RNF185: variants seen among roughly 807,000 people sequenced by gnomAD.
RNF185 encodes the protein ring finger protein 185, also known as E3 ubiquitin-protein ligase RNF185.
In RNF185, 13 loss-of-function variants were observed where a neutral mutation model predicts 24.9. That is an observed-to-expected ratio of 0.52 (90% CI 0.34 to 0.83). The LOEUF (loss-of-function observed/expected upper bound fraction) is 0.83, where lower values mean the gene tolerates loss of function less well. Among genes scored for constraint, RNF185 ranks in the 40% least tolerant of loss-of-function variants. The pLI is 0.01. For synonymous variants in RNF185, 79 were observed against 90.3 expected (o/e 0.88, Z 0.71); for missense variants, 184 against 244.7 (o/e 0.75, Z 1.65).
Position 31,204,967 on chromosome 22 carries a change from G to T in RNF185, c.*381G>T, listed in dbSNP as rs1026371456. On this transcript the variant is annotated 3_prime_UTR_variant, in exon 7 of 7. Transcript: ENST00000326132. ...CAGAAACAAAGGGATGCACCAAATG[G>T]TATTTCTGGAAATTTTCATGTCTTT... 1.0e-5 allele frequency: 2 copies of T among 196,552 alleles called. No homozygotes were observed. The highest frequency in any genetic ancestry group is 4.6e-5 in the African/African-American group (2 of 43,198). The allele number at this position is 196,552 out of a possible 1,614,324, so 12.2% of individuals were successfully genotyped here.
At chr22:31,192,489 G>GT (rs1410050372) in intron 2 of RNF185, among the ~76,000 whole-genome samples, 195 bp from the exon 3 acceptor site, 8 of 151,558 alleles carry the variant, frequency 5.3e-5, no homozygotes, top group African/African-American at 1.5e-4. Context: ...TTTTACCCCA[G>GT]TTTTTTTTTA....
intron 3 of RNF185, among the ~76,000 whole-genome samples, chr22:31,193,319 A>G (rs905287929): frequency 6.6e-6 from 1 of 152,186 alleles, no homozygotes; most frequent in Non-Finnish European, 1.5e-5. Context: ...GAAGGTGGGA[A>G]CAGGGCTGCA....
intron 1 of RNF185, among the ~76,000 whole-genome samples, chr22:31,183,323 T>C (rs546524737): frequency 5.3e-5 from 8 of 152,196 alleles, no homozygotes; most frequent in Non-Finnish European, 1.0e-4. Flanking sequence ...AGGAGGCTGA[T>C]GTGACTGATC....
intron 1 of RNF185, among the ~76,000 whole-genome samples, chr22:31,172,903 A>C (rs2047944350): frequency 6.6e-6 from 1 of 152,096 alleles, no homozygotes; most frequent in African/African-American, 2.4e-5. Context: ...GCTCCAGATT[A>C]TTTCTTTCAT....
At chr22:31,202,213 G>A (rs966355155) in intron 6 of RNF185, among the ~76,000 whole-genome samples, 1 of 152,044 alleles carries the variant, frequency 6.6e-6, no homozygotes, top group Non-Finnish European at 1.5e-5. Context: ...ATCCGCATTC[G>A]GTATAGAGCC....
In RNF185 at chr22:31,189,179, GTATT is replaced by G. The variant is rs757784120; in HGVS notation, c.176+1914_176+1917del. Among the ~76,000 whole-genome samples the G allele has an allele frequency of 8.5e-4, 110 of 129,886 alleles. 1 individual carries two copies. Among genetic ancestry groups the G allele is most frequent in the Non-Finnish European group, 1.4e-3 (83 of 60,706 alleles). 85.2% of individuals were successfully genotyped at this position (129,886 alleles called of 152,430 possible). A position where few individuals can be genotyped will look rare whatever the true frequency, so the allele number is the denominator to read the frequency against. ...TGTGTGTGTGTTTGTGTTTGTGTAT[GTATT>G]TATTAAATTTTATAATTATAAATTT... On this transcript the variant is annotated intron_variant, in intron 2 of 6. Coordinates refer to ENST00000326132, the MANE Select transcript of RNF185 (RefSeq NM_152267.4).
chr22:31,197,813 G>C (rs1393890612), intron 5 of RNF185, among the ~76,000 whole-genome samples: 1 of 151,956 alleles, frequency 6.6e-6, no homozygotes, highest in Non-Finnish European at 1.5e-5. Flanking sequence ...TAACTCCTGG[G>C]CTCAAGCAAT....
At chr22:31,174,283 G>T (rs2047959749) in intron 1 of RNF185, among the ~76,000 whole-genome samples, 1 of 152,146 alleles carries the variant, frequency 6.6e-6, no homozygotes, top group South Asian at 2.1e-4. Context: ...AAGGAAAAAA[G>T]TTAAGGAACA....
Position 31,204,509 on chromosome 22 carries a change from T to C in RNF185, c.502T>C (p.Tyr168His). 6.2e-7 allele frequency: 1 copy of C among 1,610,324 alleles called. No homozygotes were observed. The highest frequency in any genetic ancestry group is 2.2e-5 in the East Asian group (1 of 44,866). ...PPPAVPGTPQYVDEQFLSRLF... is the reference protein window; with the variant it reads ...PPPAVPGTPQHVDEQFLSRLF... ...TCCAGCTGTCCCTGGGACACCCCAGTATGTGGACGAGCAGTTCCTGTCACG... is the reference window on the plus strand; with the variant it reads ...TCCAGCTGTCCCTGGGACACCCCAGCATGTGGACGAGCAGTTCCTGTCACG... The change falls in exon 7 of 7, where the codon TAT becomes CAT. Residue 168 changes from tyrosine to histidine, a missense_variant. By Grantham distance (83) the Tyr-to-His change is moderately conservative. Transcript: ENST00000326132.
chr22:31,192,724 T>C (rs1412203281), intron 3 of RNF185, 22 bp downstream of exon 3: 1 of 1,611,982 alleles, frequency 6.2e-7, no homozygotes, highest in Non-Finnish European at 8.5e-7. Context: ...TTCATTTTAC[T>C]TTGTCTTTCA....
chr22:31,202,750 C>A (rs537373828), intron 6 of RNF185, among the ~76,000 whole-genome samples: 1 of 151,690 alleles, frequency 6.6e-6, no homozygotes, highest in African/African-American at 2.4e-5. Context: ...GTAGCTGGGA[C>A]TACAGGCGCC....
chr22:31,163,656 T>TTTAA (rs71319165), intron 1 of RNF185, among the ~76,000 whole-genome samples: 1 of 141,036 alleles, frequency 7.1e-6, no homozygotes, highest in African/African-American at 2.6e-5. Flanking sequence ...TTTTATTTTA[T>TTTAA]TTTATTTATT....
intron 3 of RNF185, among the ~76,000 whole-genome samples, chr22:31,194,059 GTTTT>G (rs1325654826): frequency 6.6e-6 from 1 of 151,326 alleles, no homozygotes; most frequent in East Asian, 2.0e-4. Flanking sequence ...CACCCGGCTA[GTTTT>G]TTTGTCTTTT....
chr22:31,199,290 T>C (rs565173820), intron 5 of RNF185, among the ~76,000 whole-genome samples: 16 of 152,242 alleles, frequency 1.1e-4, no homozygotes, highest in African/African-American at 3.9e-4. Context: ...GAGGCCCAGA[T>C]AGGTAAAGTG....
chr22:31,179,349 G>C (rs1307306502), intron 1 of RNF185, among the ~76,000 whole-genome samples: 1 of 152,218 alleles, frequency 6.6e-6, no homozygotes, highest in Non-Finnish European at 1.5e-5. Flanking sequence ...CCCAGGGGAA[G>C]CTGCTGATTT....
intron 5 of RNF185, among the ~76,000 whole-genome samples, chr22:31,201,004 A>AATGC (rs2048258088): frequency 6.6e-6 from 1 of 152,180 alleles, no homozygotes; most frequent in Non-Finnish European, 1.5e-5. Context: ...TGGTTCTTTG[A>AATGC]ATGCATGTAT....
intron 1 of RNF185, among the ~76,000 whole-genome samples, chr22:31,160,810 T>TA (rs1923523264): frequency 6.6e-6 from 1 of 152,212 alleles, no homozygotes; most frequent in African/African-American, 2.4e-5. Flanking sequence ...ATATGGTTCT[T>TA]ACACCATCTG....
intron 1 of RNF185, among the ~76,000 whole-genome samples, chr22:31,173,707 T>C (rs1309586695): frequency 6.6e-6 from 1 of 152,226 alleles, no homozygotes; most frequent in Non-Finnish European, 1.5e-5. Flanking sequence ...GCCATAAAGA[T>C]TAAATGAGAT....
chr22:31,161,809 A>G (rs1487272912), intron 1 of RNF185, among the ~76,000 whole-genome samples: 3 of 151,546 alleles, frequency 2.0e-5, no homozygotes, highest in Admixed American at 1.3e-4. Flanking sequence ...CTAGCTTTCC[A>G]TGCATCATAT....
Sources: gnomAD v4.1 joint callset for allele counts (sites outside exome capture counted in the v4.1 genomes callset) on GRCh38, gnomAD v4.1.1 for gene constraint, MANE v1.5 for transcripts, NCBI Gene and HGNC (gene_info 2026-07-23, HGNC 2026-07-21) for gene names.